Variants in MECOM observed in about 807,000 individuals in gnomAD.
The protein encoded by MECOM is MDS1 and EVI1 complex locus.
Under a neutral mutation model 116.3 loss-of-function variants are expected in MECOM, and 13 were observed. The observed-to-expected ratio is 0.11, with a 90% CI of 0.07 to 0.18. MECOM has a LOEUF of 0.18. Among genes scored for constraint, MECOM ranks in the 10% least tolerant of loss-of-function variants. MECOM has a pLI of 1.00. For missense variants in MECOM, 1,299 were observed against 1,509.0 expected (o/e 0.86, Z 2.31); for synonymous variants, 528 against 535.2 (o/e 0.99, Z 0.19).
chr3:169,281,705 G>T (rs1712049687), intron 2 of MECOM, among the ~76,000 whole-genome samples: 1 of 152,016 alleles, frequency 6.6e-6, no homozygotes, highest in African/African-American at 2.4e-5. Context: ...CCAACTACTT[G>T]GGAGGCTGAG....
At chr3:169,400,645 A>G (rs964502830) in intron 1 of MECOM, among the ~76,000 whole-genome samples, 3 of 152,238 alleles carry the variant, frequency 2.0e-5, no homozygotes, top group African/African-American at 7.2e-5. Flanking sequence ...ATTCTCAGAC[A>G]GGTGGGTCTG....
chr3:169,412,192 G>T (rs12629435), intron 1 of MECOM, among the ~76,000 whole-genome samples: 1 of 149,722 alleles, frequency 6.7e-6, no homozygotes, highest in East Asian at 2.0e-4. Context: ...AGGCTGAGGC[G>T]GGAAAATCAC....
intron 2 of MECOM, among the ~76,000 whole-genome samples, chr3:169,257,959 G>A (rs1320174684): frequency 6.6e-6 from 1 of 152,212 alleles, no homozygotes; most frequent in Non-Finnish European, 1.5e-5. Context: ...GGCGGCGCAT[G>A]CCCGCAATAT....
chr3:169,596,907 AT>A (rs1472473377), intron 1 of MECOM, among the ~76,000 whole-genome samples: 5 of 152,122 alleles, frequency 3.3e-5, no homozygotes, highest in African/African-American at 1.2e-4. Context: ...ACACATTAGC[AT>A]TTTTTTCTTA....
chr3:169,628,304 G>T (rs144114904), intron 1 of MECOM, among the ~76,000 whole-genome samples: 84 of 152,294 alleles, frequency 5.5e-4, no homozygotes, highest in African/African-American at 1.9e-3. Context: ...ACACTCAAGA[G>T]TTTTATAGCA....
chr3:169,102,668 C>A (rs1439577170), intron 10 of MECOM, among the ~76,000 whole-genome samples: 1 of 152,024 alleles, frequency 6.6e-6, no homozygotes, highest in East Asian at 1.9e-4. Context: ...AAGAAAAGAA[C>A]TGAAAGCATG....
intron 1 of MECOM, among the ~76,000 whole-genome samples, chr3:169,515,965 G>A (rs923390934): frequency 1.3e-5 from 2 of 152,102 alleles, no homozygotes; most frequent in Admixed American, 6.5e-5. Flanking sequence ...GCTCTAGGAA[G>A]CATCTCTTAA....
At chr3:169,303,710 C>T (rs1717185026) in intron 2 of MECOM, among the ~76,000 whole-genome samples, 2 of 152,216 alleles carry the variant, frequency 1.3e-5, no homozygotes, top group Non-Finnish European at 2.9e-5. Flanking sequence ...AAGCCAAATC[C>T]TGTTTCCAAT....
chr3:169,143,531 C>T (rs1577149031), intron 3 of MECOM, among the ~76,000 whole-genome samples, 167 bp downstream of exon 3: 2 of 152,118 alleles, frequency 1.3e-5, no homozygotes, highest in East Asian at 3.9e-4. Context: ...GAAAGTAGTA[C>T]TAAATATGAA....
chr3:169,191,740 GAGAAAGAAAGAAAGAAAGAA>G (rs71166250), intron 2 of MECOM, among the ~76,000 whole-genome samples: 5 of 64,318 alleles, frequency 7.8e-5, no homozygotes, highest in Non-Finnish European at 1.3e-4. Flanking sequence ...AAGAAAGAAA[GAGAAAGAAAGAAAGAAAGAA>G]AGAAAGAAAG....
chr3:169,292,294 C>A (rs771607820), intron 2 of MECOM, among the ~76,000 whole-genome samples: 40 of 152,078 alleles, frequency 2.6e-4, no homozygotes, highest in Admixed American at 5.9e-4. Context: ...GATCGCACAA[C>A]CACACCCCAG....
intron 1 of MECOM, among the ~76,000 whole-genome samples, chr3:169,610,339 TATGATA>T (rs1769092599): frequency 6.6e-6 from 1 of 152,082 alleles, no homozygotes; most frequent in South Asian, 2.1e-4. Flanking sequence ...AAGGGAAGAA[TATGATA>T]ATGATAATGA....
chr3:169,442,669 CA>C (rs1466127418), intron 1 of MECOM, among the ~76,000 whole-genome samples: 1 of 152,056 alleles, frequency 6.6e-6, no homozygotes, highest in African/African-American at 2.4e-5. Context: ...GGCAAACAGG[CA>C]AAACAAACAA....
At chr3:169,151,364 C>G (rs879609563) in intron 2 of MECOM, among the ~76,000 whole-genome samples, 1 of 152,156 alleles carries the variant, frequency 6.6e-6, no homozygotes, top group Non-Finnish European at 1.5e-5. Flanking sequence ...TCCCATTCAC[C>G]CTGACATTAT....
intron 1 of MECOM, among the ~76,000 whole-genome samples, chr3:169,563,618 C>G (rs938794029): frequency 6.6e-6 from 1 of 152,078 alleles, no homozygotes; most frequent in Non-Finnish European, 1.5e-5. Flanking sequence ...ATCCCGGAAG[C>G]TTTTTGGAAT....
At chr3:169,481,953 G>C (rs1000874410) in intron 1 of MECOM, among the ~76,000 whole-genome samples, 1 of 152,074 alleles carries the variant, frequency 6.6e-6, no homozygotes, top group African/African-American at 2.4e-5. Context: ...TTATTGTTTG[G>C]TGGTGGGAAG....
intron 1 of MECOM, among the ~76,000 whole-genome samples, chr3:169,386,995 G>A (rs1037669311): frequency 5.9e-5 from 9 of 152,174 alleles, no homozygotes; most frequent in African/African-American, 1.9e-4. Context: ...AGGCTTTCAT[G>A]TCTGTCTTAT....
intron 1 of MECOM, among the ~76,000 whole-genome samples, chr3:169,617,839 C>A (rs1330359058): frequency 6.6e-6 from 1 of 152,160 alleles, no homozygotes; most frequent in Non-Finnish European, 1.5e-5. Context: ...CATTTAGAAC[C>A]ATGAAGAGAG....
At chr3:169,137,048 T>G (rs915937844) in intron 3 of MECOM, among the ~76,000 whole-genome samples, 6 of 152,096 alleles carry the variant, frequency 3.9e-5, no homozygotes, top group African/African-American at 1.4e-4. Context: ...TTGGTGTCTT[T>G]TCACTTTGAA....
Sources: gnomAD v4.1 joint callset for allele counts (sites outside exome capture counted in the v4.1 genomes callset) on GRCh38, gnomAD v4.1.1 for gene constraint, MANE v1.5 for transcripts, NCBI Gene and HGNC (gene_info 2026-07-23, HGNC 2026-07-21) for gene names.